Variants in VPS35L observed in about 807,000 individuals in gnomAD.
VPS35L encodes VPS35 endosomal protein sorting factor like.
Under a neutral mutation model 133.0 loss-of-function variants are expected in VPS35L, and 83 were observed. The ratio of observed to expected loss-of-function variants is 0.62; its 90% CI spans 0.52 to 0.75. The LOEUF is 0.75. Among genes scored for constraint, VPS35L ranks in the 30% least tolerant of loss-of-function variants. The probability of loss-of-function intolerance (pLI) is 0.00; values close to 1 mark genes in which losing one functional copy is unlikely to be tolerated. For missense variants in VPS35L, 1,083 were observed against 1,206.8 expected (o/e 0.90, Z 1.52); for synonymous variants, 423 against 449.9 (o/e 0.94, Z 0.76).
chr16:19,575,837 A>G (rs1971514900), intron 5 of VPS35L, among the ~76,000 whole-genome samples: 1 of 137,936 alleles, frequency 7.2e-6, no homozygotes, highest in Non-Finnish European at 1.5e-5. Context: ...CCTGGGCAAC[A>G]AGAGTGAAAT....
intron 26 of VPS35L, chr16:19,652,392 A>C: frequency 1.4e-5 from 3 of 221,116 alleles, no homozygotes; most frequent in Non-Finnish European, 2.7e-5. Flanking sequence ...CCTGTCTTGA[A>C]CTCCTGGGCT....
intron 28 of VPS35L, among the ~76,000 whole-genome samples, chr16:19,685,114 A>G (rs1460688371): frequency 1.3e-5 from 2 of 152,162 alleles, no homozygotes; most frequent in African/African-American, 2.4e-5. Flanking sequence ...GCAATAAACT[A>G]TAGAGCTCAG....
chr16:19,650,306 T>C, intron 24 of VPS35L, 76 bp from the exon 25 acceptor site: 1 of 1,197,334 alleles, frequency 8.4e-7, no homozygotes, highest in Middle Eastern at 1.9e-4. Context: ...GTAGTTAATG[T>C]TGAGATCTCT....
intron 27 of VPS35L, among the ~76,000 whole-genome samples, chr16:19,681,136 T>A (rs1722827914): frequency 6.6e-6 from 1 of 152,186 alleles, no homozygotes; most frequent in African/African-American, 2.4e-5. Flanking sequence ...CTGGTGCCAC[T>A]CTGTGCCCTT....
intron 29 of VPS35L, among the ~76,000 whole-genome samples, chr16:19,692,286 C>T (rs886729047): frequency 3.3e-5 from 5 of 152,138 alleles, no homozygotes; most frequent in South Asian, 2.1e-4. Flanking sequence ...GCCCGGCCTG[C>T]GGCAGATGCT....
At chr16:19,643,350 T>G (rs1455162759) in intron 22 of VPS35L, among the ~76,000 whole-genome samples, 1 of 152,202 alleles carries the variant, frequency 6.6e-6, no homozygotes. Context: ...TCTCTCTTGT[T>G]AAAATTGTGC....
intron 25 of VPS35L, 57 bp from the exon 26 acceptor site, chr16:19,651,916 CAGG>C: frequency 8.5e-7 from 1 of 1,183,096 alleles, no homozygotes; most frequent in Non-Finnish European, 1.2e-6. Flanking sequence ...GGGATGAAAA[CAGG>C]AGTATGATTC....
At chr16:19,697,144 C>T (rs778118226) in intron 29 of VPS35L, among the ~76,000 whole-genome samples, 2 of 152,312 alleles carry the variant, frequency 1.3e-5, no homozygotes, top group Admixed American at 6.5e-5. Context: ...TCTTGTAGCC[C>T]GCGGGCCTGG....
intron 27 of VPS35L, among the ~76,000 whole-genome samples, chr16:19,675,239 C>T (rs1238726484): frequency 1.4e-5 from 2 of 146,410 alleles, no homozygotes; most frequent in African/African-American, 2.6e-5. Flanking sequence ...GTGTGAGTCA[C>T]TGCACCCAGT....
At chr16:19,683,746 G>A (rs1433268389) in intron 28 of VPS35L, among the ~76,000 whole-genome samples, 1 of 152,226 alleles carries the variant, frequency 6.6e-6, no homozygotes, top group Non-Finnish European at 1.5e-5. Flanking sequence ...ATTGCGAATA[G>A]TGCTGCAGTG....
chr16:19,698,269 CTG>C (rs143789284), intron 29 of VPS35L, among the ~76,000 whole-genome samples: 15 of 152,266 alleles, frequency 9.9e-5, no homozygotes, highest in East Asian at 1.9e-4. Context: ...TAGAAGCTGT[CTG>C]TGTTTCTCAG....
At chr16:19,631,469 G>A (rs1195929499) in intron 18 of VPS35L, among the ~76,000 whole-genome samples, 2 of 151,820 alleles carry the variant, frequency 1.3e-5, no homozygotes, top group East Asian at 3.9e-4. Flanking sequence ...GGTAAATGTT[G>A]GTCCATTGAT....
chr16:19,690,177 G>A (rs1037283060), intron 28 of VPS35L, among the ~76,000 whole-genome samples: 1 of 152,154 alleles, frequency 6.6e-6, no homozygotes, highest in African/African-American at 2.4e-5. Flanking sequence ...AGAGTGCTGG[G>A]ATTATAGGTG....
At chr16:19,670,173 T>C (rs74472840) in intron 27 of VPS35L, among the ~76,000 whole-genome samples, 1 of 152,340 alleles carries the variant, frequency 6.6e-6, no homozygotes, top group East Asian at 1.9e-4. Context: ...CTCCGGCCTT[T>C]TGAGCAATTG....
intron 14 of VPS35L, 26 bp downstream of exon 14, chr16:19,616,834 A>G (rs1203916420): frequency 6.2e-7 from 1 of 1,614,028 alleles, no homozygotes; most frequent in Admixed American, 1.7e-5. Flanking sequence ...CTTCAGTGTG[A>G]CGCTCACCTC....
At chr16:19,637,767 C>T (rs1031315771) in intron 20 of VPS35L, 111 bp downstream of exon 20, 3 of 713,380 alleles carry the variant, frequency 4.2e-6, no homozygotes, top group East Asian at 2.8e-5. Flanking sequence ...TTCAGCAGTT[C>T]CTTTTATAAA....
chr16:19,587,356 G>A (rs143161166), intron 7 of VPS35L: 26 of 453,240 alleles, frequency 5.7e-5, no homozygotes, highest in South Asian at 2.6e-4. Context: ...AAGGCTGGGC[G>A]TGGTGGCTCA....
At chr16:19,693,238 A>G (rs1224200046) in intron 29 of VPS35L, among the ~76,000 whole-genome samples, 1 of 152,144 alleles carries the variant, frequency 6.6e-6, no homozygotes, top group Non-Finnish European at 1.5e-5. Flanking sequence ...CAACTCTCCT[A>G]GAATGATTGA....
At chr16:19,629,645 A>G in intron 17 of VPS35L, 122 bp from the exon 18 acceptor site, 1 of 727,692 alleles carries the variant, frequency 1.4e-6, no homozygotes, top group South Asian at 1.9e-5. Context: ...CCTTTAAGCC[A>G]GTAATTAGCA....
Sources: allele counts gnomAD v4.1 joint callset (sites outside exome capture counted in the v4.1 genomes callset), GRCh38; gene constraint gnomAD v4.1.1; transcripts MANE v1.5; gene names NCBI Gene and HGNC (gene_info 2026-07-23, HGNC 2026-07-21).